The following PRUNE2 variants were observed in gnomAD, a reference collection of about 807,000 sequenced individuals.
The protein encoded by PRUNE2 is prune homolog 2 with BCH domain.
In PRUNE2, 164 loss-of-function variants were observed where a neutral mutation model predicts 252.0. That is an observed-to-expected ratio of 0.65 (90% CI 0.57 to 0.74). PRUNE2 has a LOEUF of 0.74. PRUNE2 is among the 30% of genes least tolerant of loss of function. The pLI is 0.00. For synonymous variants in PRUNE2, 1,292 were observed against 1,350.2 expected, an observed-to-expected ratio of 0.96 and a Z score of 0.94; for missense variants, 3,495 against 3,711.0, an observed-to-expected ratio of 0.94 and a Z score of 1.51.
At chr9:76,669,702 T>C (rs2040938545) in intron 9 of PRUNE2, among the ~76,000 whole-genome samples, 1 of 152,194 alleles carries the variant, frequency 6.6e-6, no homozygotes, top group South Asian at 2.1e-4. Flanking sequence ...GGGCGTGAGA[T>C]GCCAGTCTTC....
chr9:76,724,985 A>G (rs1432281686), intron 6 of PRUNE2, among the ~76,000 whole-genome samples: 4 of 152,110 alleles, frequency 2.6e-5, no homozygotes, highest in Non-Finnish European at 2.9e-5. Context: ...GCTACACTCT[A>G]GCTCCCAGAT....
At position 76,800,411 on chromosome 9, in the gene PRUNE2, T is replaced by C. The variant is rs2056468720; in HGVS notation, c.756+23221A>G. On this transcript the variant is annotated intron_variant, in intron 6 of 18. Transcript: ENST00000376718. ...TTTTTTAATCAGCCCTCTAGCTTTC[T>C]ATTAGAGACATGATTGAGAATTTAT... Among the ~76,000 whole-genome samples the C allele has an allele frequency of 2.0e-5, 3 of 152,230 alleles. No individual in the cohort carries two copies. In the South Asian group the frequency reaches 6.2e-4, roughly 32 times the overall value.
At chr9:76,615,520 A>G (rs774532665) in intron 18 of PRUNE2, among the ~76,000 whole-genome samples, 3 of 152,206 alleles carry the variant, frequency 2.0e-5, no homozygotes, top group Non-Finnish European at 4.4e-5. Context: ...GTAGTAAAGT[A>G]TCTTTCCTTT....
chr9:76,680,611 AG>A (rs879945720), intron 9 of PRUNE2, among the ~76,000 whole-genome samples: 2 of 152,242 alleles, frequency 1.3e-5, no homozygotes, highest in Non-Finnish European at 2.9e-5. Flanking sequence ...TAGCAGTTAT[AG>A]GCATAATAAC....
chr9:76,858,459 G>A (rs2060374395), intron 1 of PRUNE2, among the ~76,000 whole-genome samples: 1 of 152,084 alleles, frequency 6.6e-6, no homozygotes, highest in South Asian at 2.1e-4. Context: ...TTCTTTGCAG[G>A]GACATGGATG....
intron 9 of PRUNE2, among the ~76,000 whole-genome samples, chr9:76,669,313 TCTTTTC>T (rs2040843699): frequency 1.4e-5 from 1 of 73,650 alleles, no homozygotes; most frequent in East Asian, 4.0e-4. Flanking sequence ...AATGTTCTTT[TCTTTTC>T]CTTTTTCTTT....
At chr9:76,825,141 C>T (rs1453156427) in intron 5 of PRUNE2, among the ~76,000 whole-genome samples, 1 of 152,162 alleles carries the variant, frequency 6.6e-6, no homozygotes, top group East Asian at 1.9e-4. Context: ...AGAATTAAGG[C>T]CCCCTGGGTC....
At chr9:76,686,509 G>A (rs937226826) in intron 9 of PRUNE2, among the ~76,000 whole-genome samples, 2 of 152,096 alleles carry the variant, frequency 1.3e-5, no homozygotes, top group African/African-American at 4.8e-5. Flanking sequence ...AGGCAGGAGT[G>A]CAGTGGCATG....
At position 76,865,806 on chromosome 9, in the gene PRUNE2, T is replaced by TACACACACAC. The variant is rs34661457; in HGVS notation, c.37-11608_37-11599dup. Among the ~76,000 whole-genome samples, 961 of 127,198 alleles carry TACACACACAC rather than the reference T, an allele frequency of 7.6e-3. 3 individuals carry two copies. The highest frequency in any genetic ancestry group is 0.016 in the Middle Eastern group (4 of 246). The allele number at this position is 127,198 out of a possible 152,430, so 83.4% of individuals were successfully genotyped here. ...TCCCTTCTTTCTCCCTCTCTCTCCC[T>TACACACACAC]ACACACACACACACACACACACACA... On this transcript the variant is annotated intron_variant, in intron 1 of 18. Transcript: ENST00000376718.
At chr9:76,673,036 C>CA (rs930315927) in intron 9 of PRUNE2, among the ~76,000 whole-genome samples, 50 of 150,924 alleles carry the variant, frequency 3.3e-4, no homozygotes, top group African/African-American at 1.2e-3. Flanking sequence ...TAGCAGAAGG[C>CA]AAAAAATAAC....
chr9:76,736,117 A>T (rs2049048643), intron 6 of PRUNE2, among the ~76,000 whole-genome samples: 2 of 148,500 alleles, frequency 1.3e-5, no homozygotes, highest in Non-Finnish European at 3.0e-5. Flanking sequence ...AGCCTTAGAG[A>T]TTAGTAGGGT....
At chr9:76,633,815 G>C (rs1838786571) in intron 15 of PRUNE2, among the ~76,000 whole-genome samples, 1 of 151,744 alleles carries the variant, frequency 6.6e-6, no homozygotes, top group Admixed American at 6.6e-5. Context: ...AATGGAAATA[G>C]TAAACAGTAT....
At chr9:76,812,373 T>C (rs1294661331) in intron 6 of PRUNE2, among the ~76,000 whole-genome samples, 1 of 152,232 alleles carries the variant, frequency 6.6e-6, no homozygotes, top group East Asian at 1.9e-4. Flanking sequence ...CTACTTTCTC[T>C]TAATCTGAAT....
chr9:76,827,997 C>T (rs1039905573), intron 4 of PRUNE2, among the ~76,000 whole-genome samples: 5 of 152,168 alleles, frequency 3.3e-5, no homozygotes, highest in African/African-American at 4.8e-5. Context: ...TCTATGCTAA[C>T]GATTCAAGAT....
intron 6 of PRUNE2, among the ~76,000 whole-genome samples, chr9:76,773,140 C>A (rs2053299686): frequency 6.6e-6 from 1 of 152,192 alleles, no homozygotes. Flanking sequence ...ATGCTTATTT[C>A]CCAAGTTAAA....
intron 17 of PRUNE2, 36 bp from the exon 18 acceptor site, chr9:76,619,423 T>C: frequency 6.8e-7 from 1 of 1,472,604 alleles, no homozygotes; most frequent in Non-Finnish European, 9.4e-7. Flanking sequence ...CAGTCAACAT[T>C]TCCCCACTGT....
chr9:76,746,706 C>T (rs1268332889), intron 6 of PRUNE2, among the ~76,000 whole-genome samples: 3 of 73,206 alleles, frequency 4.1e-5, no homozygotes, highest in African/African-American at 6.7e-5. Flanking sequence ...AGCGAGACTC[C>T]GTCTCAAAAA....
intron 6 of PRUNE2, among the ~76,000 whole-genome samples, chr9:76,753,849 C>T (rs560793065): frequency 2.0e-4 from 29 of 143,956 alleles, no homozygotes; most frequent in Admixed American, 1.3e-3. Context: ...ACCCAGGAGA[C>T]GGAGCTTGCA....
chr9:76,779,045 T>A (rs1440918440), intron 6 of PRUNE2: 1 of 152,240 alleles, frequency 6.6e-6, no homozygotes, highest in African/African-American at 2.4e-5. Flanking sequence ...CCAGTGATTT[T>A]TTTATCTCAC....
Sources: allele counts gnomAD v4.1 joint callset (sites outside exome capture counted in the v4.1 genomes callset), GRCh38; gene constraint gnomAD v4.1.1; transcripts MANE v1.5; gene names NCBI Gene and HGNC (gene_info 2026-07-23, HGNC 2026-07-21).